OTOGL: variants seen among roughly 807,000 people sequenced by gnomAD.
OTOGL encodes otogelin-like protein.
OTOGL carries 285 observed loss-of-function variants against 318.5 expected under a neutral mutation model. The ratio of observed to expected loss-of-function variants is 0.89; its 90% CI spans 0.81 to 0.99. The LOEUF is 0.99. OTOGL is among the 50% of genes least tolerant of loss of function. The pLI is 0.00. For missense variants in OTOGL, 2,899 were observed against 2,845.6 expected, an observed-to-expected ratio of 1.02 and a Z score of -0.43; for synonymous variants, 987 against 936.5, an observed-to-expected ratio of 1.05 and a Z score of -0.99.
intron 4 of OTOGL, among the ~76,000 whole-genome samples, chr12:80,212,769 G>A (rs1014869930): frequency 3.3e-5 from 5 of 152,260 alleles, no homozygotes; most frequent in African/African-American, 1.2e-4. Flanking sequence ...TTTTATTAGC[G>A]TTTTGTGATA....
intron 43 of OTOGL, among the ~76,000 whole-genome samples, chr12:80,340,940 T>TTG (rs1476708331): frequency 6.6e-6 from 1 of 151,260 alleles, no homozygotes; most frequent in Non-Finnish European, 1.5e-5. Context: ...ACTTAGGTTT[T>TTG]TTTTTTTTTT....
At chr12:80,359,476 A>G (rs150165591) in intron 52 of OTOGL, among the ~76,000 whole-genome samples, 57 of 152,278 alleles carry the variant, frequency 3.7e-4, no homozygotes, top group African/African-American at 1.3e-3. Context: ...GAAAGACAAT[A>G]TATTCCTGGC....
intron 53 of OTOGL, 61 bp from the exon 54 acceptor site, chr12:80,367,500 C>A: frequency 1.6e-6 from 2 of 1,252,588 alleles, no homozygotes; most frequent in Non-Finnish European, 2.1e-6. Flanking sequence ...TAAGTTCCAA[C>A]GATGGATTAG....
At chr12:80,235,498 GCTTTGGGCAACTT>G (rs1217794215) in intron 9 of OTOGL, among the ~76,000 whole-genome samples, 5 of 148,960 alleles carry the variant, frequency 3.4e-5, no homozygotes, top group Non-Finnish European at 7.4e-5. Context: ...AAGAAAGACT[GCTTTGGGCAACTT>G]CTCCTGGGAT....
Position 80,232,961 on chromosome 12 carries a change from A to G in OTOGL, c.681A>G (p.Thr227=). 1.3e-6 allele frequency: 2 copies of G among 1,599,248 alleles called. No individual in the cohort carries two copies. The highest frequency in any genetic ancestry group is 1.7e-6 in the Non-Finnish European group (2 of 1,179,544). Reference sequence around the variant, plus strand: ...TAGCTGACTACATTCTTGTGAAAACAACCTTTGGCTTTTCATTGGCTTGGG... The same window carrying G: ...TAGCTGACTACATTCTTGTGAAAACGACCTTTGGCTTTTCATTGGCTTGGG... The part of the protein sequence containing the change: ...EKLADYILVK[T]TFGFSLAWDG... The change falls in exon 9 of 59, where the codon ACA becomes ACG. Residue 227 remains threonine (T), a synonymous_variant. Coordinates refer to ENST00000547103, the MANE Select transcript of OTOGL (RefSeq NM_001378609.3).
chr12:80,217,140 A>AT (rs549999589), intron 4 of OTOGL, among the ~76,000 whole-genome samples: 85 of 149,214 alleles, frequency 5.7e-4, no homozygotes, highest in Non-Finnish European at 9.1e-4. Context: ...AGCCCCATGC[A>AT]TTTTTTTTTT....
intron 1 of OTOGL, among the ~76,000 whole-genome samples, chr12:80,123,505 T>TG (rs1287088047): frequency 2.0e-5 from 3 of 151,084 alleles, no homozygotes; most frequent in Non-Finnish European, 2.9e-5. Context: ...CGTGTGCATG[T>TG]GCCTTTATAG....
chr12:80,127,876 G>A (rs1221938247), intron 1 of OTOGL, among the ~76,000 whole-genome samples: 2 of 152,272 alleles, frequency 1.3e-5, no homozygotes, highest in Non-Finnish European at 2.9e-5. Flanking sequence ...CTCGTGCCAT[G>A]GTTTTTAGCT....
At chr12:80,189,323 T>G (rs1230239957) in intron 1 of OTOGL, 1 of 567,588 alleles carries the variant, frequency 1.8e-6, no homozygotes, top group African/African-American at 2.0e-5. Flanking sequence ...TGTCTTTAAC[T>G]TAATGTTTAT....
rs536527525 is a variant in OTOGL, at chr12:80,170,494, C to T, written c.-19-38919C>T. On this transcript the variant is annotated intron_variant, in intron 1 of 58. Transcript: ENST00000547103. ...TGTTGCCCAGGCTGGAGTACAGTGGCGCGATCTTGGCTCACTGCAACCTCT... is the reference window on the plus strand; with the variant it reads ...TGTTGCCCAGGCTGGAGTACAGTGGTGCGATCTTGGCTCACTGCAACCTCT... Among the ~76,000 whole-genome samples, 45 of 151,392 alleles carry T rather than the reference C, an allele frequency of 3.0e-4. No homozygotes were observed. The East Asian group carries it at 7.8e-3, about 26-fold the overall frequency.
chr12:80,343,509 G>GTTTTTT (rs58046272), intron 44 of OTOGL: 2 of 35,858 alleles, frequency 5.6e-5, no homozygotes, highest in African/African-American at 1.1e-4. Flanking sequence ...TTTTATTCTT[G>GTTTTTT]TTTTTTTTTT....
At position 80,105,176 on chromosome 12, in the gene OTOGL, A is replaced by G. The variant is rs188411895; in HGVS notation, c.-20+5571A>G. Among the ~76,000 whole-genome samples the G allele has an allele frequency of 1.1e-3, 162 of 152,348 alleles. 1 individual carries two copies. The highest frequency in any genetic ancestry group is 3.5e-3 in the African/African-American group (146 of 41,596). ...AAAAAAAAACATGACTAAATTAGCA[A>G]TTTCCTATCTTTGGGTAAAATTCAT... On this transcript the variant is annotated intron_variant, in intron 1 of 58. Coordinates refer to ENST00000547103, the MANE Select transcript of OTOGL (RefSeq NM_001378609.3).
chr12:80,313,566 G>C lies in OTOGL; in HGVS notation c.3541G>C (p.Ala1181Pro). Residue 1181 changes from alanine (A) to proline (P), a missense_variant, in exon 31 of 59, where the codon GCT (alanine) becomes CCT (proline). By Grantham distance (27) the Ala-to-Pro change is conservative (BLOSUM62 -1). Around this residue, in one of 3 missense-constraint regions of OTOGL, gnomAD observed 2,607 missense variants for 2,524.9 expected, o/e 1.03. Coordinates refer to ENST00000547103, the MANE Select transcript of OTOGL (RefSeq NM_001378609.3). ...GDCECLCTSIAAYAYKCCQEG... is the reference protein window; with the variant it reads ...GDCECLCTSIPAYAYKCCQEG... ...CTGTGAGTGTTTGTGCACTAGTATA[G>C]CTGCATATGCATACAAGTGTTGTCA... 1 of 1,612,140 alleles carries C rather than the reference G, an allele frequency of 6.2e-7. No homozygotes were observed.
At chr12:80,128,045 A>T (rs957074895) in intron 1 of OTOGL, among the ~76,000 whole-genome samples, 9 of 152,132 alleles carry the variant, frequency 5.9e-5, no homozygotes, top group Non-Finnish European at 1.3e-4. Context: ...CAACTTGTCA[A>T]AGTCATTTTC....
chr12:80,163,326 A>G lies in OTOGL; in HGVS notation c.-19-46087A>G, dbSNP rs541283966. ...TTTGGAGAGAAGAAAGAGAAAGAGG[A>G]AACAAATAGTGGAATGACAGAATCC... is the stretch of plus-strand genomic sequence containing the variant. On this transcript the variant is annotated intron_variant, in intron 1 of 58. Coordinates refer to ENST00000547103, the MANE Select transcript of OTOGL (RefSeq NM_001378609.3). Among the ~76,000 whole-genome samples the G allele has an allele frequency of 2.6e-5, 4 of 152,240 alleles. No individual in the cohort carries two copies. In the East Asian group the frequency reaches 5.8e-4, roughly 22 times the overall value.
At chr12:80,150,699 AT>A (rs1211110838) in intron 1 of OTOGL, among the ~76,000 whole-genome samples, 1 of 152,236 alleles carries the variant, frequency 6.6e-6, no homozygotes, top group Non-Finnish European at 1.5e-5. Context: ...GTCATGGATC[AT>A]GACTGAAGGG....
chr12:80,243,318 A>G (rs1201734533), intron 11 of OTOGL, among the ~76,000 whole-genome samples: 1 of 152,090 alleles, frequency 6.6e-6, no homozygotes, highest in African/African-American at 2.4e-5. Context: ...ATAAGCATTC[A>G]GTATCCAATG....
intron 1 of OTOGL, among the ~76,000 whole-genome samples, chr12:80,128,230 C>T (rs1870985200): frequency 6.6e-6 from 1 of 152,212 alleles, no homozygotes; most frequent in African/African-American, 2.4e-5. Flanking sequence ...TGTGGATGTC[C>T]TTTCTGTTTG....
At chr12:80,275,076 A>C (rs1883697373) in intron 24 of OTOGL, among the ~76,000 whole-genome samples, 1 of 152,098 alleles carries the variant, frequency 6.6e-6, no homozygotes, top group East Asian at 1.9e-4. Flanking sequence ...TCAAGTAGTA[A>C]TTTCAACTTT....
Sources: allele counts gnomAD v4.1 joint callset (sites outside exome capture counted in the v4.1 genomes callset), GRCh38; gene constraint gnomAD v4.1.1; regional missense constraint gnomAD v4.1.1; transcripts MANE v1.5; gene names NCBI Gene and HGNC (gene_info 2026-07-23, HGNC 2026-07-21).